ZBTB20: variants seen among roughly 807,000 people sequenced by gnomAD.
ZBTB20 encodes the protein zinc finger and BTB domain containing 20, also known as zinc finger and BTB domain-containing protein 20.
ZBTB20 carries 9 observed loss-of-function variants against 56.9 expected under a neutral mutation model. The observed-to-expected ratio is 0.16, with a 90% confidence interval of 0.10 to 0.28. The LOEUF is 0.28. Among genes scored for constraint, ZBTB20 ranks in the 10% least tolerant of loss-of-function variants. The probability of loss-of-function intolerance (pLI) is 1.00; values close to 1 mark genes in which losing one functional copy is unlikely to be tolerated. For synonymous variants in ZBTB20, 417 were observed against 420.7 expected, an observed-to-expected ratio of 0.99 and a Z score of 0.11; for missense variants, 655 against 1,003.0, an observed-to-expected ratio of 0.65 and a Z score of 4.69.
At position 114,350,680 on chromosome 3, in the gene ZBTB20, G is replaced by C. The variant is rs770686482; in HGVS notation, c.1398C>G (p.Ile466Met). The change falls in exon 11 of 12, where the codon ATC (isoleucine) becomes ATG (methionine). Residue 466 changes from isoleucine to methionine, a missense_variant. By Grantham distance (10) the Ile-to-Met change is conservative. Around this residue, in one of 10 missense-constraint regions of ZBTB20, gnomAD observed 156 missense variants for 181.0 expected, o/e 0.86. Transcript: ENST00000675478. The part of the protein sequence containing the change: ...VLQQPSVNTS[I>M]GQPLPSTQLY... ...GCTGGGTACTTGGCAATGGCTGCCC[G>C]ATGGACGTGTTGACCGAAGGCTGTT... 2 of 1,614,088 alleles carry C rather than the reference G, an allele frequency of 1.2e-6. No individual in the cohort carries two copies. Among genetic ancestry groups the C allele is most frequent in the African/African-American group, 1.3e-5 (1 of 74,932 alleles).
At chr3:114,420,195 T>C (rs1262122944) in intron 7 of ZBTB20, among the ~76,000 whole-genome samples, 1 of 152,026 alleles carries the variant, frequency 6.6e-6, no homozygotes, top group Non-Finnish European at 1.5e-5. Context: ...GTATAGCAAT[T>C]AGCATCTCTA....
In ZBTB20 at chr3:114,339,083, G is replaced by C; in HGVS notation, c.2148C>G (p.Val716=). ...CAAACTTTGCTGGGCAGACGGAGCA[G>C]ACGTAAGTGGTCCCCTCCGTGCAGG... is the stretch of plus-strand genomic sequence containing the variant. ...VVACTEGTTY[V]CSVCPAKFDQ... Residue 716 remains valine (V), a synonymous_variant, in exon 12 of 12, where the codon GTC becomes GTG. Coordinates refer to ENST00000675478, the MANE Select transcript of ZBTB20 (RefSeq NM_001348800.3). The surrounding 1 kb of genome is among the most constrained non-coding windows in gnomAD (Gnocchi z 4.2). The C allele has an allele frequency of 3.2e-6, 5 of 1,583,574 alleles. No homozygotes were observed. The highest frequency in any genetic ancestry group is 4.3e-6 in the Non-Finnish European group (5 of 1,162,882).
At chr3:114,844,789 T>C (rs373377857) in intron 4 of ZBTB20, among the ~76,000 whole-genome samples, 19 of 151,000 alleles carry the variant, frequency 1.3e-4, no homozygotes, top group African/African-American at 4.6e-4. Flanking sequence ...GATTTTAATT[T>C]GCCTTCTTCT....
chr3:115,081,935 T>C (rs1432343975), intron 1 of ZBTB20, among the ~76,000 whole-genome samples: 1 of 152,158 alleles, frequency 6.6e-6, no homozygotes, highest in East Asian at 1.9e-4. Flanking sequence ...CAGTGTCTGA[T>C]TGGTGTCTCT....
intron 10 of ZBTB20, 48 bp downstream of exon 10, chr3:114,380,169 A>G: frequency 6.8e-7 from 1 of 1,463,866 alleles, no homozygotes; most frequent in Non-Finnish European, 9.0e-7. Context: ...GGGTAGAAGC[A>G]CTACTCCAAG....
At chr3:115,035,446 G>A (rs1383246809) in intron 2 of ZBTB20, among the ~76,000 whole-genome samples, 1 of 151,794 alleles carries the variant, frequency 6.6e-6, no homozygotes, top group Non-Finnish European at 1.5e-5. Flanking sequence ...TGGCAAACAA[G>A]CACATGAAAA....
intron 7 of ZBTB20, among the ~76,000 whole-genome samples, chr3:114,425,886 A>G (rs2722019): frequency 0.31 from 46,650 of 152,172 alleles, 7,608 homozygotes; most frequent in South Asian, 0.43. Flanking sequence ...CCAATGCCTC[A>G]ATCTTCTGCT....
chr3:114,432,074 A>C (rs2090163693), intron 7 of ZBTB20, among the ~76,000 whole-genome samples: 2 of 151,842 alleles, frequency 1.3e-5, no homozygotes. Context: ...CCACACACTT[A>C]TATTTTGCTA....
At chr3:114,399,734 A>G (rs920925235) in intron 7 of ZBTB20, among the ~76,000 whole-genome samples, 3 of 152,156 alleles carry the variant, frequency 2.0e-5, no homozygotes, top group Non-Finnish European at 4.4e-5. Flanking sequence ...TCTGCAATAA[A>G]GTATCTGAGT....
chr3:114,942,489 T>C (rs1180564965), intron 3 of ZBTB20, among the ~76,000 whole-genome samples: 2 of 145,690 alleles, frequency 1.4e-5, no homozygotes, highest in Non-Finnish European at 3.0e-5. Context: ...GAAGTTACTT[T>C]GTAAAGAAAC....
At chr3:114,547,678 G>A (rs2110163492) in intron 6 of ZBTB20, among the ~76,000 whole-genome samples, 1 of 152,182 alleles carries the variant, frequency 6.6e-6, no homozygotes, top group South Asian at 2.1e-4. Flanking sequence ...TACCTCCTTT[G>A]CCCTAATGTT....
At chr3:114,546,906 C>A (rs1170306695) in intron 6 of ZBTB20, among the ~76,000 whole-genome samples, 2 of 151,970 alleles carry the variant, frequency 1.3e-5, no homozygotes, top group Non-Finnish European at 2.9e-5. Flanking sequence ...AGAAGAATAC[C>A]ATAGAGTGGA....
chr3:115,072,410 T>C (rs2082443081), intron 1 of ZBTB20, among the ~76,000 whole-genome samples: 1 of 152,176 alleles, frequency 6.6e-6, no homozygotes, highest in Non-Finnish European at 1.5e-5. Flanking sequence ...ACTCATTGCA[T>C]GGCATCAGGT....
At chr3:114,673,153 G>A (rs1437790448) in intron 6 of ZBTB20, among the ~76,000 whole-genome samples, 1 of 152,106 alleles carries the variant, frequency 6.6e-6, no homozygotes, top group East Asian at 1.9e-4. Context: ...AAGCACCAAA[G>A]TAAGGACAGC....
intron 2 of ZBTB20, among the ~76,000 whole-genome samples, chr3:115,046,050 A>G (rs1034468369): frequency 1.3e-5 from 2 of 152,162 alleles, no homozygotes; most frequent in Admixed American, 6.5e-5. Flanking sequence ...ATTTTAAAAC[A>G]TCTTCATTTG....
intron 11 of ZBTB20, among the ~76,000 whole-genome samples, chr3:114,342,758 G>C (rs1023820891): frequency 6.6e-6 from 1 of 152,118 alleles, no homozygotes; most frequent in African/African-American, 2.4e-5. Flanking sequence ...GACTTGCATG[G>C]CATATGGAAG....
intron 10 of ZBTB20, among the ~76,000 whole-genome samples, chr3:114,370,981 C>A (rs1457491684): frequency 6.6e-6 from 1 of 152,212 alleles, no homozygotes; most frequent in Non-Finnish European, 1.5e-5. Context: ...CCTCCTATTA[C>A]CGCCCCCTTC....
intron 3 of ZBTB20, among the ~76,000 whole-genome samples, chr3:114,966,994 T>C (rs2077674206): frequency 6.6e-6 from 1 of 152,160 alleles, no homozygotes; most frequent in African/African-American, 2.4e-5. Context: ...AAATTAACTT[T>C]CTGTTATGAA....
At position 115,095,859 on chromosome 3, in the gene ZBTB20, C is replaced by T. The variant is rs140883688; in HGVS notation, c.-702-24445G>A. On this transcript the variant is annotated intron_variant, in intron 1 of 11. Transcript: ENST00000675478. The stretch of plus-strand genomic sequence containing the variant: ...TAGAATATCTAAGATATGTATATTG[C>T]CTTCAGGCTTTTGGTAAAGAATAAA... 5.3e-5 allele frequency among the ~76,000 whole-genome samples: 8 copies of T among 152,156 alleles called. No individual in the cohort carries two copies. The East Asian group carries it at 1.4e-3, about 26-fold the overall frequency.
Sources: gnomAD v4.1 joint callset for allele counts (sites outside exome capture counted in the v4.1 genomes callset) on GRCh38, gnomAD v4.1.1 for gene constraint, gnomAD v4.1.1 regional missense constraint, Gnocchi (gnomAD v3.1) non-coding constraint, MANE v1.5 for transcripts, NCBI Gene and HGNC (gene_info 2026-07-23, HGNC 2026-07-21) for gene names.